Variants in ZNF423 observed in about 807,000 individuals in gnomAD.
ZNF423 encodes zinc finger protein 423.
ZNF423 carries 12 observed loss-of-function variants against 95.8 expected under a neutral mutation model. The observed-to-expected ratio is 0.13, with a 90% CI of 0.08 to 0.20. The LOEUF (loss-of-function observed/expected upper bound fraction) is 0.20. ZNF423 is among the 10% of genes least tolerant of loss of function. The pLI is 1.00. For synonymous variants in ZNF423, 749 were observed against 711.9 expected, an observed-to-expected ratio of 1.05 and a Z score of -0.83; for missense variants, 1,316 against 1,737.1, an observed-to-expected ratio of 0.76 and a Z score of 4.31.
intron 5 of ZNF423, among the ~76,000 whole-genome samples, chr16:49,585,279 T>C (rs986799890): frequency 2.6e-5 from 4 of 151,598 alleles, no homozygotes; most frequent in African/African-American, 9.7e-5. Flanking sequence ...CAGGTGTGGG[T>C]GAGAAAGCGC....
chr16:49,845,035 CAAAAAAAA>C (rs71138011), intron 1 of ZNF423, among the ~76,000 whole-genome samples: 4 of 63,516 alleles, frequency 6.3e-5, no homozygotes, highest in South Asian at 5.8e-4. Context: ...AACTCCATCT[CAAAAAAAA>C]AAAAAAAAAA....
intron 1 of ZNF423, among the ~76,000 whole-genome samples, chr16:49,794,211 GTTT>G (rs945996895): frequency 6.8e-6 from 1 of 146,934 alleles, no homozygotes; most frequent in Non-Finnish European, 1.5e-5. Context: ...GATTTTTGTA[GTTT>G]TTTTTGTTTG....
intron 2 of ZNF423, chr16:49,731,501 T>C (rs954657909): frequency 2.6e-6 from 1 of 381,610 alleles, no homozygotes; most frequent in Non-Finnish European, 3.6e-6. Context: ...GAACCATGGA[T>C]GGTCGAATCT....
upstream of ZNF423, among the ~76,000 whole-genome samples, chr16:49,859,227 A>T (rs1037130704): frequency 6.6e-6 from 1 of 152,122 alleles, no homozygotes; most frequent in African/African-American, 2.4e-5. Flanking sequence ...TGGGGGCAAC[A>T]GGATGGGGAG....
At chr16:49,642,155 G>A (rs925125839) in intron 3 of ZNF423, among the ~76,000 whole-genome samples, 8 of 152,234 alleles carry the variant, frequency 5.3e-5, no homozygotes, top group South Asian at 2.1e-4. Context: ...GTCTATTATC[G>A]CAATTAATTT....
intron 7 of ZNF423, among the ~76,000 whole-genome samples, chr16:49,507,674 T>A (rs1967700232): frequency 6.6e-6 from 1 of 152,228 alleles, no homozygotes; most frequent in Admixed American, 6.5e-5. Context: ...GCCAGTATCC[T>A]ACTTTAATGC....
At chr16:49,741,937 ACTC>A (rs2033422319) in intron 2 of ZNF423, among the ~76,000 whole-genome samples, 1 of 152,084 alleles carries the variant, frequency 6.6e-6, no homozygotes, top group African/African-American at 2.4e-5. Flanking sequence ...AGGTGACCTC[ACTC>A]CAGGTCTCTG....
chr16:49,840,678 C>T (rs1331551351), intron 1 of ZNF423, among the ~76,000 whole-genome samples: 2 of 152,022 alleles, frequency 1.3e-5, no homozygotes, highest in Admixed American at 6.6e-5. Flanking sequence ...CACACATATG[C>T]ATTCATGCAC....
intron 3 of ZNF423, among the ~76,000 whole-genome samples, chr16:49,664,946 G>A (rs1314235002): frequency 1.3e-5 from 2 of 151,646 alleles, no homozygotes. Flanking sequence ...TACTCCCAAG[G>A]CCTGCTTGCC....
At chr16:49,605,726 T>C (rs1005230722) in intron 5 of ZNF423, among the ~76,000 whole-genome samples, 1 of 152,158 alleles carries the variant, frequency 6.6e-6, no homozygotes, top group East Asian at 1.9e-4. Flanking sequence ...TATTAAGACA[T>C]TGCCACTCTG....
chr16:49,527,882 G>A (rs1597054162), intron 5 of ZNF423, among the ~76,000 whole-genome samples: 1 of 152,238 alleles, frequency 6.6e-6, no homozygotes, highest in Middle Eastern at 3.4e-3. Flanking sequence ...TGACCTCCAG[G>A]CAGCCTGCCC....
intron 1 of ZNF423, among the ~76,000 whole-genome samples, chr16:49,812,385 C>A (rs187450877): frequency 6.6e-6 from 1 of 152,122 alleles, no homozygotes; most frequent in Non-Finnish European, 1.5e-5. Context: ...GCATAGTCAA[C>A]GCTACTGATA....
chr16:49,763,825 A>C (rs2033875963), intron 2 of ZNF423, among the ~76,000 whole-genome samples: 1 of 152,192 alleles, frequency 6.6e-6, no homozygotes. Context: ...CACCATGAAC[A>C]AACAGAAGAC....
chr16:49,665,829 G>A (rs974764742), intron 3 of ZNF423, among the ~76,000 whole-genome samples: 1 of 152,130 alleles, frequency 6.6e-6, no homozygotes. Flanking sequence ...AAGACAGAAG[G>A]GAGACCTGAA....
At chr16:49,506,862 T>A (rs905814349) in intron 7 of ZNF423, among the ~76,000 whole-genome samples, 2 of 151,602 alleles carry the variant, frequency 1.3e-5, no homozygotes, top group African/African-American at 4.9e-5. Flanking sequence ...GGTGGATGGA[T>A]TGGTGAGTGG....
At chr16:49,683,118 G>A (rs1448269150) in intron 3 of ZNF423, among the ~76,000 whole-genome samples, 1 of 152,184 alleles carries the variant, frequency 6.6e-6, no homozygotes, top group Non-Finnish European at 1.5e-5. Flanking sequence ...TTATGAACAG[G>A]TGGCAGAGGG....
chr16:49,709,512 G>C (rs1030867994), intron 3 of ZNF423, among the ~76,000 whole-genome samples: 1 of 152,098 alleles, frequency 6.6e-6, no homozygotes, highest in Non-Finnish European at 1.5e-5. Flanking sequence ...CCCTCAACAA[G>C]GGGTGCATCT....
intron 5 of ZNF423, among the ~76,000 whole-genome samples, chr16:49,580,243 G>A (rs1054069915): frequency 6.6e-6 from 1 of 151,998 alleles, no homozygotes; most frequent in Non-Finnish European, 1.5e-5. Flanking sequence ...CCACTGTCCC[G>A]GTCACTCCCC....
chr16:49,770,326 A>G (rs939201470), intron 2 of ZNF423, among the ~76,000 whole-genome samples: 12 of 152,198 alleles, frequency 7.9e-5, no homozygotes, highest in African/African-American at 2.9e-4. Flanking sequence ...GCAGCAATGG[A>G]AAAAGTGGTT....
Sources: gnomAD v4.1 joint callset for allele counts (sites outside exome capture counted in the v4.1 genomes callset) on GRCh38, gnomAD v4.1.1 for gene constraint, MANE v1.5 for transcripts, NCBI Gene and HGNC (gene_info 2026-07-23, HGNC 2026-07-21) for gene names.